The following SYN3 variants were observed in gnomAD, a reference collection of about 807,000 sequenced individuals.
The protein encoded by SYN3 is synapsin-3.
In SYN3, 35 loss-of-function variants were observed where a neutral mutation model predicts 65.8. The observed-to-expected ratio is 0.53, with a 90% CI of 0.41 to 0.70. The LOEUF (loss-of-function observed/expected upper bound fraction) is 0.70, where lower values mean the gene tolerates loss of function less well. SYN3 is among the 30% of genes least tolerant of loss of function. The pLI, the probability that SYN3 is intolerant of heterozygous loss-of-function variation, is 0.00. For missense variants in SYN3, 680 were observed against 749.0 expected (o/e 0.91, Z 1.08); for synonymous variants, 270 against 292.9 (o/e 0.92, Z 0.80).
At chr22:32,956,801 T>A (rs11704480) in intron 3 of SYN3, among the ~76,000 whole-genome samples, 8 of 152,048 alleles carry the variant, frequency 5.3e-5, no homozygotes, top group Admixed American at 1.3e-4. Flanking sequence ...TTCCCAGAAG[T>A]AGAATTGCTG....
intron 6 of SYN3, among the ~76,000 whole-genome samples, chr22:32,597,474 C>T (rs1220796550): frequency 2.0e-5 from 3 of 152,124 alleles, no homozygotes; most frequent in African/African-American, 7.2e-5. Context: ...CCTCTGCCTC[C>T]TGAAGTGCTG....
At chr22:32,957,521 T>C (rs2051502746) in intron 3 of SYN3, among the ~76,000 whole-genome samples, 1 of 152,188 alleles carries the variant, frequency 6.6e-6, no homozygotes, top group Non-Finnish European at 1.5e-5. Context: ...AATGCACACA[T>C]GGAGTTTTTA....
intron 4 of SYN3, among the ~76,000 whole-genome samples, chr22:32,916,427 G>A (rs769811121): frequency 3.3e-5 from 5 of 152,316 alleles, no homozygotes; most frequent in South Asian, 4.1e-4. Context: ...AATTACTGTC[G>A]GTAAGTGGTT....
chr22:32,852,178 G>C (rs572069754), intron 6 of SYN3, among the ~76,000 whole-genome samples: 1 of 152,308 alleles, frequency 6.6e-6, no homozygotes, highest in South Asian at 2.1e-4. Context: ...AGACCTGGGA[G>C]GTCATATAAC....
At chr22:32,935,308 T>TCACACA (rs990872543) in intron 3 of SYN3, among the ~76,000 whole-genome samples, 1 of 149,120 alleles carries the variant, frequency 6.7e-6, no homozygotes, top group Non-Finnish European at 1.5e-5. Context: ...TCTCTCTCTC[T>TCACACA]CACACACACA....
intron 4 of SYN3, among the ~76,000 whole-genome samples, chr22:32,903,498 A>C (rs767669498): frequency 3.9e-5 from 6 of 152,198 alleles, no homozygotes; most frequent in Non-Finnish European, 5.9e-5. Context: ...CCTTCTGAGC[A>C]ACACTAGAGC....
chr22:32,591,546 A>G (rs1192397853), intron 7 of SYN3, among the ~76,000 whole-genome samples: 2 of 152,250 alleles, frequency 1.3e-5, no homozygotes, highest in Non-Finnish European at 2.9e-5. Flanking sequence ...CCTATATGAC[A>G]AAAATAGATT....
chr22:33,058,068 G>C (rs559075980), intron 1 of SYN3, among the ~76,000 whole-genome samples: 157 of 152,148 alleles, frequency 1.0e-3, no homozygotes, highest in African/African-American at 3.6e-3. Flanking sequence ...CTGTCCCAGG[G>C]ACCGGCCCAG....
intron 6 of SYN3, among the ~76,000 whole-genome samples, chr22:32,695,524 C>A (rs1276678985): frequency 6.6e-6 from 1 of 152,172 alleles, no homozygotes; most frequent in Non-Finnish European, 1.5e-5. Flanking sequence ...CACATTTCCC[C>A]CAGGTTTTGA....
chr22:32,802,336 G>A (rs1450190939), intron 6 of SYN3, among the ~76,000 whole-genome samples: 1 of 152,132 alleles, frequency 6.6e-6, no homozygotes, highest in Non-Finnish European at 1.5e-5. Context: ...AGTGGCTGAG[G>A]GAGCCCCTGG....
chr22:32,868,693 C>T (rs1399108553), intron 5 of SYN3, among the ~76,000 whole-genome samples: 4 of 152,050 alleles, frequency 2.6e-5, no homozygotes, highest in Admixed American at 6.6e-5. Flanking sequence ...TCAGGTGATC[C>T]GCCTGTCTTG....
intron 6 of SYN3, among the ~76,000 whole-genome samples, chr22:32,744,916 T>A (rs774554972): frequency 1.3e-5 from 2 of 152,146 alleles, no homozygotes; most frequent in Non-Finnish European, 2.9e-5. Flanking sequence ...GAGTCGGGCT[T>A]GTCCAGGAAG....
At chr22:32,686,641 G>T (rs1432831541) in intron 6 of SYN3, among the ~76,000 whole-genome samples, 1 of 105,170 alleles carries the variant, frequency 9.5e-6, no homozygotes, top group Admixed American at 9.4e-5. Flanking sequence ...GCTGCATCTG[G>T]GCTGGAGTGC....
At position 32,809,540 on chromosome 22, in the gene SYN3, A is replaced by T. The variant is rs12157908; in HGVS notation, c.711+55375T>A. Among the ~76,000 whole-genome samples, 96 of 152,226 alleles carry T rather than the reference A, an allele frequency of 6.3e-4. 1 individual carries two copies. Among genetic ancestry groups the T allele is most frequent in the African/African-American group, 2.2e-3 (93 of 41,550 alleles). On this transcript the variant is annotated intron_variant, in intron 6 of 13. Coordinates refer to ENST00000358763, the MANE Select transcript of SYN3 (RefSeq NM_003490.4). ...ACTTTTCAACACTATGGAATTTTTT[A>T]AAATTAATTTTTCCCTCCAATAAGT...
intron 6 of SYN3, among the ~76,000 whole-genome samples, chr22:32,748,540 C>T (rs527475192): frequency 1.3e-5 from 2 of 152,294 alleles, no homozygotes; most frequent in South Asian, 2.1e-4. Flanking sequence ...TCTTCCTTTT[C>T]TTGGAGTGGA....
chr22:32,673,074 G>A (rs1482019344), intron 6 of SYN3, among the ~76,000 whole-genome samples: 4 of 152,214 alleles, frequency 2.6e-5, no homozygotes, highest in African/African-American at 9.7e-5. Context: ...TCCTTTCTGG[G>A]TGTTGAGAAA....
intron 4 of SYN3, among the ~76,000 whole-genome samples, chr22:32,894,413 G>A (rs2049534416): frequency 6.6e-6 from 1 of 152,164 alleles, no homozygotes; most frequent in South Asian, 2.1e-4. Context: ...TATTGCAGAG[G>A]GTGGAAATCC....
intron 6 of SYN3, among the ~76,000 whole-genome samples, chr22:32,753,809 G>T (rs2045211998): frequency 6.6e-6 from 1 of 151,872 alleles, no homozygotes; most frequent in Non-Finnish European, 1.5e-5. Flanking sequence ...GAGCCAGGGG[G>T]GTCACCCCAG....
At chr22:32,521,639 G>A (rs940456124) in intron 12 of SYN3, among the ~76,000 whole-genome samples, 3 of 151,872 alleles carry the variant, frequency 2.0e-5, no homozygotes, top group South Asian at 2.1e-4. Flanking sequence ...GTAGAGACAG[G>A]GTTTCCCCAT....
Sources: allele counts gnomAD v4.1 joint callset (sites outside exome capture counted in the v4.1 genomes callset), GRCh38; gene constraint gnomAD v4.1.1; transcripts MANE v1.5; gene names NCBI Gene and HGNC (gene_info 2026-07-23, HGNC 2026-07-21).